Variants in RIC8B observed in about 807,000 individuals in gnomAD.
The protein encoded by RIC8B is RIC8 guanine nucleotide exchange factor B.
A neutral mutation model predicts 57.5 loss-of-function variants in RIC8B; 16 were observed. The observed-to-expected ratio is 0.28, with a 90% confidence interval of 0.19 to 0.42. The LOEUF is 0.42. Among genes scored for constraint, RIC8B ranks in the 10% least tolerant of loss-of-function variants. The pLI is 1.00. For missense variants in RIC8B, 481 were observed against 677.0 expected, an observed-to-expected ratio of 0.71 and a Z score of 3.21; for synonymous variants, 216 against 250.8, an observed-to-expected ratio of 0.86 and a Z score of 1.31.
At chr12:106,777,403 A>G (rs2043543373) in intron 1 of RIC8B, among the ~76,000 whole-genome samples, 1 of 152,190 alleles carries the variant, frequency 6.6e-6, no homozygotes, top group South Asian at 2.1e-4. Context: ...CTGAAAAAAA[A>G]TAGTTGGGTA....
intron 4 of RIC8B, among the ~76,000 whole-genome samples, chr12:106,834,192 A>T (rs147767664): frequency 6.6e-6 from 1 of 152,314 alleles, no homozygotes; most frequent in African/African-American, 2.4e-5. Context: ...GTTACAGATA[A>T]TTTCCAGTTT....
intron 8 of RIC8B, among the ~76,000 whole-genome samples, chr12:106,865,075 C>G (rs1950087173): frequency 6.6e-6 from 1 of 152,138 alleles, no homozygotes; most frequent in African/African-American, 2.4e-5. Context: ...GAACATGTGT[C>G]TACCGATATC....
At chr12:106,862,951 T>C (rs1950000314) in intron 8 of RIC8B, among the ~76,000 whole-genome samples, 1 of 152,098 alleles carries the variant, frequency 6.6e-6, no homozygotes. Flanking sequence ...GCCACATAAA[T>C]TTTTGGTGTA....
In RIC8B at chr12:106,887,126, A is replaced by T. The variant is rs1566196385; in HGVS notation, c.*1111A>T. ...GAGTCATGCACTAGACAGTGGGCCT[A>T]GCTCATCAGTGGCTAAAGTTGAAAA... is the stretch of plus-strand genomic sequence containing the variant. On this transcript the variant is annotated 3_prime_UTR_variant, in exon 10 of 10. Transcript: ENST00000392837. 1 of 152,656 alleles carries T rather than the reference A, an allele frequency of 6.6e-6. No homozygotes were observed. The highest frequency in any genetic ancestry group is 1.5e-5 in the Non-Finnish European group (1 of 68,040). The allele number at this position is 152,656 out of a possible 1,614,324, so 9.5% of individuals were successfully genotyped here.
intron 4 of RIC8B, among the ~76,000 whole-genome samples, chr12:106,830,949 T>C (rs2046329217): frequency 6.6e-6 from 1 of 152,160 alleles, no homozygotes; most frequent in Non-Finnish European, 1.5e-5. Context: ...CAAAGGGCAA[T>C]GTAAGTATGG....
intron 2 of RIC8B, among the ~76,000 whole-genome samples, chr12:106,798,582 C>A (rs1295925445): frequency 3.3e-5 from 5 of 151,736 alleles, no homozygotes; most frequent in Admixed American, 3.3e-4. Context: ...TGAATACTTT[C>A]GGTAATGGAA....
intron 2 of RIC8B, among the ~76,000 whole-genome samples, chr12:106,802,844 G>T (rs2044798375): frequency 6.6e-6 from 1 of 151,802 alleles, no homozygotes; most frequent in Admixed American, 6.6e-5. Flanking sequence ...AAATCCTCTT[G>T]TCCTGAGTAT....
chr12:106,851,995 G>T (rs973399044), intron 7 of RIC8B, among the ~76,000 whole-genome samples: 30 of 151,992 alleles, frequency 2.0e-4, no homozygotes, highest in African/African-American at 6.8e-4. Flanking sequence ...TAGGAGTTTT[G>T]GTTTCTTTAC....
intron 7 of RIC8B, among the ~76,000 whole-genome samples, chr12:106,852,106 TAGAG>T (rs1949501657): frequency 6.6e-6 from 1 of 152,214 alleles, no homozygotes; most frequent in African/African-American, 2.4e-5. Context: ...AAGATAGTGG[TAGAG>T]AGAAATTTTA....
At chr12:106,854,311 A>T (rs536462617) in intron 7 of RIC8B, among the ~76,000 whole-genome samples, 11 of 151,520 alleles carry the variant, frequency 7.3e-5, no homozygotes, top group Non-Finnish European at 1.3e-4. Context: ...GAGGTAGACT[A>T]TTAAAATAAA....
intron 7 of RIC8B, among the ~76,000 whole-genome samples, chr12:106,854,508 A>G (rs957465664): frequency 3.9e-5 from 6 of 152,106 alleles, no homozygotes; most frequent in Non-Finnish European, 8.8e-5. Context: ...ATTAAGAAAG[A>G]GGGGCCAGGC....
At chr12:106,832,828 T>C (rs1359449759) in intron 4 of RIC8B, among the ~76,000 whole-genome samples, 1 of 152,198 alleles carries the variant, frequency 6.6e-6, no homozygotes, top group Non-Finnish European at 1.5e-5. Context: ...TCCTGTTTTC[T>C]GCCAATCTCA....
intron 2 of RIC8B, among the ~76,000 whole-genome samples, chr12:106,812,141 G>T (rs1471523473): frequency 6.6e-6 from 1 of 152,182 alleles, no homozygotes. Flanking sequence ...AAAAAGCTGT[G>T]CAACAGTCAC....
intron 4 of RIC8B, among the ~76,000 whole-genome samples, chr12:106,840,183 T>C (rs903425609): frequency 2.0e-4 from 31 of 152,304 alleles, no homozygotes; most frequent in African/African-American, 7.5e-4. Flanking sequence ...ACGTGTGCCA[T>C]ATCATGTTCT....
intron 2 of RIC8B, among the ~76,000 whole-genome samples, chr12:106,800,239 G>A (rs1194537701): frequency 3.3e-5 from 5 of 152,160 alleles, no homozygotes; most frequent in African/African-American, 1.2e-4. Context: ...TTGGCTCACA[G>A]TTCTACAGGC....
At chr12:106,801,234 C>T (rs1398415653) in intron 2 of RIC8B, among the ~76,000 whole-genome samples, 1 of 152,114 alleles carries the variant, frequency 6.6e-6, no homozygotes, top group Non-Finnish European at 1.5e-5. Flanking sequence ...TAAGTGGAAG[C>T]TTATAAAACT....
At chr12:106,846,016 G>A (rs1294195257) in intron 6 of RIC8B, among the ~76,000 whole-genome samples, 3 of 152,110 alleles carry the variant, frequency 2.0e-5, no homozygotes, top group Non-Finnish European at 4.4e-5. Context: ...CTAAATGTTT[G>A]AGTGCCCCGA....
intron 8 of RIC8B, chr12:106,868,349 A>G: frequency 2.2e-6 from 1 of 456,828 alleles, no homozygotes; most frequent in Non-Finnish European, 4.4e-6. Flanking sequence ...GCAAATAAGC[A>G]TGATCTACAT....
intron 6 of RIC8B, among the ~76,000 whole-genome samples, chr12:106,845,022 T>C (rs1949122386): frequency 6.6e-6 from 1 of 152,200 alleles, no homozygotes; most frequent in South Asian, 2.1e-4. Context: ...TGTCATTTTT[T>C]CCCACTGTTC....
Sources: allele counts gnomAD v4.1 joint callset (sites outside exome capture counted in the v4.1 genomes callset), GRCh38; gene constraint gnomAD v4.1.1; transcripts MANE v1.5; gene names NCBI Gene and HGNC (gene_info 2026-07-23, HGNC 2026-07-21).